The following NRXN3 variants were observed in gnomAD, a reference collection of about 807,000 sequenced individuals.
NRXN3 encodes the protein neurexin 3.
Under a neutral mutation model 137.6 loss-of-function variants are expected in NRXN3, and 32 were observed. The ratio of observed to expected loss-of-function variants is 0.23; its 90% CI spans 0.18 to 0.31. NRXN3 has a LOEUF of 0.31. Ranked by LOEUF, NRXN3 falls within the 10% of genes least tolerant of loss-of-function variation. The pLI is 1.00. For missense variants in NRXN3, 1,574 were observed against 2,062.5 expected (o/e 0.76, Z 4.59); for synonymous variants, 798 against 784.5 (o/e 1.02, Z -0.29).
At position 79,333,376 on chromosome 14, in the gene NRXN3, A is replaced by G. The variant is rs898108877; in HGVS notation, c.3263-133845A>G. 2.0e-5 allele frequency among the ~76,000 whole-genome samples: 3 copies of G among 152,166 alleles called. No homozygotes were observed. In the East Asian group the frequency reaches 5.8e-4, roughly 29 times the overall value. ...GTTTTAAATGCCACAAATGCTTGTC[A>G]TAAACCACCTTCTTAATTATGCAGA... On this transcript the variant is annotated intron_variant, in intron 15 of 20. Coordinates refer to ENST00000335750, the MANE Select transcript of NRXN3 (RefSeq NM_001330195.2).
intron 20 of NRXN3, among the ~76,000 whole-genome samples, chr14:79,822,525 C>T (rs1321196386): frequency 3.3e-5 from 5 of 151,932 alleles, no homozygotes; most frequent in African/African-American, 4.8e-5. Flanking sequence ...AAGTTTTTTT[C>T]TCAGGCATTG....
chr14:78,814,828 T>G (rs1176678164), intron 10 of NRXN3, among the ~76,000 whole-genome samples: 1 of 152,198 alleles, frequency 6.6e-6, no homozygotes, highest in African/African-American at 2.4e-5. Context: ...CTTGTCTGAT[T>G]GTGCCTTTCC....
intron 16 of NRXN3, among the ~76,000 whole-genome samples, chr14:79,628,464 C>T (rs915265770): frequency 1.3e-5 from 2 of 152,296 alleles, no homozygotes; most frequent in African/African-American, 4.8e-5. Flanking sequence ...TTTGAAGACT[C>T]TTCTGATTGG....
intron 4 of NRXN3, among the ~76,000 whole-genome samples, chr14:78,419,284 G>C (rs2093319104): frequency 6.6e-6 from 1 of 151,932 alleles, no homozygotes. Flanking sequence ...TGTCACCCAG[G>C]CTGGAGTACA....
chr14:79,826,123 G>A (rs149258664), intron 20 of NRXN3, among the ~76,000 whole-genome samples: 193 of 152,150 alleles, frequency 1.3e-3, no homozygotes, highest in African/African-American at 4.5e-3. Flanking sequence ...AGGCTCCTGA[G>A]TAGCTGAGAT....
intron 15 of NRXN3, among the ~76,000 whole-genome samples, chr14:79,034,905 A>G (rs890520861): frequency 1.3e-5 from 2 of 152,158 alleles, no homozygotes; most frequent in Non-Finnish European, 2.9e-5. Context: ...ATGATTCCAC[A>G]TTCCAAGCAA....
Position 79,863,689 on chromosome 14 carries a change from A to C in NRXN3, c.*1725A>C, listed in dbSNP as rs2099416398. 6.6e-6 allele frequency: 1 copy of C among 152,650 alleles called. No homozygotes were observed. Among genetic ancestry groups the C allele is most frequent in the Non-Finnish European group, 1.5e-5 (1 of 68,042 alleles). 9.5% of individuals were successfully genotyped at this position (152,650 alleles called of 1,614,324 possible). ...TTGTAAAGAGGAAACAATGTACAGA[A>C]AAACAATAAACTGGTTGTATGGCCA... On this transcript the variant is annotated 3_prime_UTR_variant, in exon 21 of 21. Coordinates refer to ENST00000335750, the MANE Select transcript of NRXN3 (RefSeq NM_001330195.2).
At chr14:78,550,643 G>T (rs2096679527) in intron 4 of NRXN3, among the ~76,000 whole-genome samples, 5 of 152,108 alleles carry the variant, frequency 3.3e-5, no homozygotes, top group Admixed American at 3.3e-4. Flanking sequence ...TCTACATAAG[G>T]GACTGGAAGC....
chr14:79,609,300 T>C (rs2098068165), intron 16 of NRXN3, among the ~76,000 whole-genome samples: 3 of 152,268 alleles, frequency 2.0e-5, no homozygotes, highest in Admixed American at 2.0e-4. Context: ...TAAGGGCTCC[T>C]TACCACAGTC....
intron 10 of NRXN3, among the ~76,000 whole-genome samples, chr14:78,934,068 T>C (rs718787): frequency 0.06 from 9,029 of 151,562 alleles, 405 homozygotes; most frequent in Admixed American, 0.083. Flanking sequence ...AAAGATTTAC[T>C]GCTCTTTGAG....
intron 4 of NRXN3, among the ~76,000 whole-genome samples, chr14:78,321,881 T>G (rs2079414979): frequency 6.6e-6 from 1 of 152,012 alleles, no homozygotes; most frequent in African/African-American, 2.4e-5. Context: ...GAGACCATGT[T>G]CCTTGATAAC....
intron 15 of NRXN3, among the ~76,000 whole-genome samples, chr14:79,003,388 A>C (rs998388499): frequency 6.6e-6 from 1 of 152,214 alleles, no homozygotes; most frequent in Non-Finnish European, 1.5e-5. Context: ...AAATCTGCTC[A>C]TTTAAAGCCA....
chr14:79,715,714 GAC>G (rs1403326087), intron 19 of NRXN3, among the ~76,000 whole-genome samples: 3 of 152,184 alleles, frequency 2.0e-5, no homozygotes, highest in Non-Finnish European at 4.4e-5. Flanking sequence ...TCACAATCAT[GAC>G]ACAGTGTGAT....
intron 15 of NRXN3, among the ~76,000 whole-genome samples, chr14:79,314,422 G>A (rs1206068968): frequency 3.5e-5 from 1 of 28,824 alleles, no homozygotes; most frequent in Non-Finnish European, 7.3e-5. Context: ...CTACGCCCAC[G>A]GAATCTCGCT....
intron 4 of NRXN3, among the ~76,000 whole-genome samples, chr14:78,451,768 G>T (rs1011559753): frequency 6.6e-6 from 1 of 152,194 alleles, no homozygotes; most frequent in Non-Finnish European, 1.5e-5. Flanking sequence ...TTTTATGCAG[G>T]ATGGCATTTA....
intron 4 of NRXN3, among the ~76,000 whole-genome samples, chr14:78,395,694 T>C (rs991537202): frequency 1.3e-5 from 2 of 152,050 alleles, no homozygotes; most frequent in African/African-American, 4.8e-5. Context: ...TGTTGTTTGG[T>C]ACAGTTACAT....
chr14:78,716,627 G>T (rs1431481600), intron 8 of NRXN3, among the ~76,000 whole-genome samples: 1 of 151,668 alleles, frequency 6.6e-6, no homozygotes, highest in Non-Finnish European at 1.5e-5. Flanking sequence ...GAAGATAGGT[G>T]ATGTGGATGG....
chr14:78,249,692 T>TA (rs757020284), intron 2 of NRXN3, among the ~76,000 whole-genome samples: 1 of 152,152 alleles, frequency 6.6e-6, no homozygotes, highest in Non-Finnish European at 1.5e-5. Context: ...TTGCTCTTAT[T>TA]AAATACCACC....
At chr14:78,270,149 T>C (rs1456658086) in intron 2 of NRXN3, among the ~76,000 whole-genome samples, 1 of 152,192 alleles carries the variant, frequency 6.6e-6, no homozygotes, top group Non-Finnish European at 1.5e-5. Flanking sequence ...CATCCAAGTC[T>C]ACCTGACTCT....
Sources: allele counts gnomAD v4.1 joint callset (sites outside exome capture counted in the v4.1 genomes callset), GRCh38; gene constraint gnomAD v4.1.1; transcripts MANE v1.5; gene names NCBI Gene and HGNC (gene_info 2026-07-23, HGNC 2026-07-21).